The following LRRC9 variants were observed in gnomAD, a reference collection of about 807,000 sequenced individuals.
LRRC9 encodes leucine rich repeat containing 9.
Under a neutral mutation model 63.2 loss-of-function variants are expected in LRRC9, and 122 were observed. The ratio of observed to expected loss-of-function variants is 1.93; its 90% CI spans 1.67 to 2.24. The LOEUF (loss-of-function observed/expected upper bound fraction) is 2.24, where lower values mean the gene tolerates loss of function less well. LRRC9 is among the 30% of genes most tolerant of loss of function. LRRC9 has a pLI of 0.00. For synonymous variants in LRRC9, 366 were observed against 213.1 expected (o/e 1.72, Z -6.25); for missense variants, 1,071 against 627.7 (o/e 1.71, Z -7.55).
At chr14:59,995,009 A>T (rs963565602) in intron 17 of LRRC9, among the ~76,000 whole-genome samples, 2 of 17,316 alleles carry the variant, frequency 1.2e-4, no homozygotes, top group African/African-American at 1.4e-4. Flanking sequence ...AAAGTATAAT[A>T]AAAAAAAAAG....
intron 12 of LRRC9, chr14:59,969,165 AT>A (rs1801340310): frequency 6.6e-6 from 1 of 152,066 alleles, no homozygotes; most frequent in Non-Finnish European, 1.5e-5. Context: ...AAATATTTTT[AT>A]TTTTGAATTT....
chr14:59,945,852 T>C (rs958509501), intron 8 of LRRC9, among the ~76,000 whole-genome samples: 16 of 151,978 alleles, frequency 1.1e-4, no homozygotes, highest in Non-Finnish European at 2.2e-4. Context: ...CTCAATTTGA[T>C]GATTAACTTC....
intron 31 of LRRC9, chr14:60,062,019 A>G: frequency 2.5e-6 from 1 of 398,812 alleles, no homozygotes; most frequent in Non-Finnish European, 4.4e-6. Context: ...AGACAAAAAA[A>G]ACAAGAATGC....
chr14:60,008,337 A>G (rs986040322), intron 23 of LRRC9, 123 bp downstream of exon 23: 35 of 497,792 alleles, frequency 7.0e-5, no homozygotes, highest in Non-Finnish European at 1.2e-4. Context: ...TACTTATTAA[A>G]TCTAGGTCTC....
intron 8 of LRRC9, among the ~76,000 whole-genome samples, chr14:59,945,558 A>G (rs1460778109): frequency 6.6e-6 from 1 of 152,026 alleles, no homozygotes; most frequent in Non-Finnish European, 1.5e-5. Context: ...TGCTAAATGA[A>G]AGAAATACTA....
At position 59,978,227 on chromosome 14, in the gene LRRC9, T is replaced by A. The variant is rs1405911791; in HGVS notation, c.1878+95T>A. ...GTCGAATAATGCTATGTCAAGTTTATATTATGTGCATGTGTGTATAATTGT... is the reference window on the plus strand; with the variant it reads ...GTCGAATAATGCTATGTCAAGTTTAAATTATGTGCATGTGTGTATAATTGT... On this transcript the variant is annotated intron_variant, in intron 15 of 31. Coordinates refer to ENST00000445360, the Ensembl canonical transcript of LRRC9. 4.0e-5 allele frequency: 26 copies of A among 642,584 alleles called. No individual in the cohort carries two copies. The East Asian group carries it at 4.2e-4, about 10-fold the overall frequency. 39.8% of individuals were successfully genotyped at this position (642,584 alleles called of 1,614,324 possible).
chr14:59,977,568 T>TTGTGTGTGTGTG (rs150262478), intron 14 of LRRC9, among the ~76,000 whole-genome samples: 13 of 144,610 alleles, frequency 9.0e-5, no homozygotes, highest in East Asian at 4.0e-4. Flanking sequence ...AATTATGTAT[T>TTGTGTGTGTGTG]TGTGTGTGTG....
intron 31 of LRRC9, 118 bp from the exon 33 acceptor site, chr14:60,063,205 T>C (rs1894768466): frequency 1.6e-6 from 1 of 622,576 alleles, no homozygotes; most frequent in East Asian, 2.8e-5. Flanking sequence ...TTTTGTCTTT[T>C]TGAAATTGCG....
chr14:59,954,149 T>C (rs2139927974), intron 8 of LRRC9, among the ~76,000 whole-genome samples: 1 of 152,344 alleles, frequency 6.6e-6, no homozygotes, highest in African/African-American at 2.4e-5. Flanking sequence ...TACAGGCTCC[T>C]TTTTGGTTCC....
In LRRC9 at chr14:59,936,190, C is replaced by G. The variant is rs972407241; in HGVS notation, c.544-2200C>G. Among the ~76,000 whole-genome samples the G allele has an allele frequency of 6.6e-6, 1 of 152,062 alleles. No individual in the cohort carries two copies. The highest frequency in any genetic ancestry group is 1.5e-5 in the Non-Finnish European group (1 of 68,006). ...TTAATTACATTGAACTGCTGTATTT[C>G]AGTATCTTCATTTTAAAAATGATGA... On this transcript the variant is annotated intron_variant, in intron 6 of 31. Coordinates refer to ENST00000445360, the Ensembl canonical transcript of LRRC9. This position sits in a 1 kb window ranked among gnomAD's most constrained non-coding sequence, Gnocchi z 4.2.
chr14:60,013,839 CATGTTCTT>C (rs1403440975), intron 23 of LRRC9, among the ~76,000 whole-genome samples: 2 of 152,104 alleles, frequency 1.3e-5, no homozygotes, highest in Non-Finnish European at 2.9e-5. Context: ...ACAGTTGGAT[CATGTTCTT>C]TTACCTTTTA....
intron 28 of LRRC9, among the ~76,000 whole-genome samples, chr14:60,028,943 T>C (rs937495703): frequency 5.9e-5 from 9 of 152,036 alleles, no homozygotes; most frequent in African/African-American, 2.2e-4. Flanking sequence ...CTGGGGGAGA[T>C]TTTTTTAAAG....
rs1402502708 is a variant in LRRC9 at position 60,042,421 on chromosome 14, T to C, written c.3990+10358T>C. Among the ~76,000 whole-genome samples, 1 of 152,168 alleles carries C rather than the reference T, an allele frequency of 6.6e-6. No homozygotes were observed. The highest frequency in any genetic ancestry group is 1.5e-5 in the Non-Finnish European group (1 of 68,020). On this transcript the variant is annotated intron_variant, in intron 29 of 31. Transcript: ENST00000445360. This position sits in a 1 kb window ranked among gnomAD's most constrained non-coding sequence, Gnocchi z 4.2. ...ACTGAGTTCGAGCTTCCCAGCTTCT[T>C]TGTTTACCTATTCAAGCCTCAGCAA...
chr14:59,920,631 T>C (rs1888691867), intron 1 of LRRC9, among the ~76,000 whole-genome samples: 1 of 152,090 alleles, frequency 6.6e-6, no homozygotes, highest in Non-Finnish European at 1.5e-5. Flanking sequence ...CCATCAGTGG[T>C]AACTGATGGA....
In LRRC9 at chr14:60,027,455, ATTC is replaced by A. The variant is rs1891648484; in HGVS notation, c.3704-424_3704-422del. 1.3e-5 allele frequency among the ~76,000 whole-genome samples: 2 copies of A among 152,120 alleles called. No homozygotes were observed. The highest frequency in any genetic ancestry group is 2.9e-5 in the Non-Finnish European group (2 of 67,990). The stretch of plus-strand genomic sequence containing the variant: ...AGAAAGAACAGCATAATTAATGTGT[ATTC>A]TTCTAACATAATACAACAAATTAGT... On this transcript the variant is annotated intron_variant, in intron 27 of 31. Transcript: ENST00000445360. The surrounding 1 kb of genome is among the most constrained non-coding windows in gnomAD (Gnocchi z 4.0).
chr14:59,940,933 T>A (rs540001679), intron 7 of LRRC9, among the ~76,000 whole-genome samples: 2 of 152,184 alleles, frequency 1.3e-5, no homozygotes, highest in South Asian at 4.1e-4. Context: ...ACTTTGACAT[T>A]AGTTTTTTAA....
chr14:60,042,314 C>T lies in LRRC9; in HGVS notation c.3990+10251C>T, dbSNP rs751242706. On this transcript the variant is annotated intron_variant, in intron 29 of 31. Coordinates refer to ENST00000445360, the Ensembl canonical transcript of LRRC9. This position sits in a 1 kb window ranked among gnomAD's most constrained non-coding sequence, Gnocchi z 4.2. ...ACGTTTAAGTCTGCAGAAGTTTCTG[C>T]TGCCTGTTGTTCAGCTATGCCCTGC... is the stretch of plus-strand genomic sequence containing the variant. Among the ~76,000 whole-genome samples the T allele has an allele frequency of 1.3e-5, 2 of 152,226 alleles. No homozygotes were observed. Among genetic ancestry groups the T allele is most frequent in the African/African-American group, 2.4e-5 (1 of 41,464 alleles).
chr14:60,033,252 T>C (rs1394330930), intron 29 of LRRC9, among the ~76,000 whole-genome samples: 1 of 152,156 alleles, frequency 6.6e-6, no homozygotes, highest in Admixed American at 6.6e-5. Flanking sequence ...TATAGATTAT[T>C]ATCTGCAAAT....
intron 1 of LRRC9, among the ~76,000 whole-genome samples, chr14:59,926,879 C>A (rs565316907): frequency 1.4e-4 from 21 of 152,214 alleles, no homozygotes; most frequent in Non-Finnish European, 2.5e-4. Context: ...CACTATTTAA[C>A]CCCCAACTGG....
Sources: gnomAD v4.1 joint callset for allele counts (sites outside exome capture counted in the v4.1 genomes callset) on GRCh38, gnomAD v4.1.1 for gene constraint, Gnocchi (gnomAD v3.1) non-coding constraint, MANE v1.5 for transcripts, NCBI Gene and HGNC (gene_info 2026-07-23, HGNC 2026-07-21) for gene names.